Variants in MEI4 observed in about 807,000 individuals in gnomAD.
The protein encoded by MEI4 is meiosis-specific protein MEI4.
Under a neutral mutation model 31.4 loss-of-function variants are expected in MEI4, and 27 were observed. The ratio of observed to expected loss-of-function variants is 0.86; its 90% CI spans 0.63 to 1.19. The LOEUF (loss-of-function observed/expected upper bound fraction) is 1.19. Ranked by LOEUF, MEI4 falls within the 50% of genes most tolerant of loss-of-function variation. MEI4 has a pLI of 0.00. For missense variants in MEI4, 329 were observed against 398.9 expected (o/e 0.82, Z 1.49); for synonymous variants, 122 against 145.4 (o/e 0.84, Z 1.16).
intron 1 of MEI4, among the ~76,000 whole-genome samples, chr6:77,654,193 G>A (rs1356142374): frequency 2.0e-5 from 3 of 152,292 alleles, no homozygotes; most frequent in Non-Finnish European, 4.4e-5. Flanking sequence ...GCATCTCTGA[G>A]ATTTCTTACT....
chr6:77,761,406 A>T lies in MEI4; in HGVS notation c.509A>T (p.Lys170Ile). 15 of 1,232,166 alleles carry T rather than the reference A, an allele frequency of 1.2e-5. No individual in the cohort carries two copies. The highest frequency in any genetic ancestry group is 1.4e-5 in the Non-Finnish European group (14 of 987,944). The allele number at this position is 1,232,166 out of a possible 1,614,324, so 76.3% of individuals were successfully genotyped here. A position where few individuals can be genotyped will look rare whatever the true frequency, so the allele number is the denominator to read the frequency against. The part of the protein sequence containing the change: ...LKNLTESGNL[K>I]RDLTHFEKDS... Reference sequence around the variant, plus strand: ...AACTTGACAGAATCAGGTAATCTTAAAAGAGACTTAACCCACTTTGAAAAA... The same window carrying T: ...AACTTGACAGAATCAGGTAATCTTATAAGAGACTTAACCCACTTTGAAAAA... Residue 170 changes from lysine to isoleucine, a missense_variant, in exon 3 of 5, where the codon AAA becomes ATA. Lys to Ile is a moderately radical substitution (Grantham distance 102, BLOSUM62 -3). Transcript: ENST00000684080.
In MEI4 at chr6:77,923,476, T is replaced by C; in HGVS notation, c.*130T>C. On this transcript the variant is annotated 3_prime_UTR_variant, in exon 5 of 5. Transcript: ENST00000684080. ...ATTGATCTCTAAATATAATTATCAA[T>C]TCAACTTAATGGTTAGTCTTAAATT... 1.3e-6 allele frequency: 1 copy of C among 742,650 alleles called. No individual in the cohort carries two copies. Among genetic ancestry groups the C allele is most frequent in the Non-Finnish European group, 1.8e-6 (1 of 544,570 alleles). 46.0% of individuals were successfully genotyped at this position (742,650 alleles called of 1,614,324 possible).
intron 3 of MEI4, among the ~76,000 whole-genome samples, chr6:77,801,635 A>G (rs372714577): frequency 2.1e-3 from 322 of 152,154 alleles, no homozygotes; most frequent in African/African-American, 7.0e-3. Flanking sequence ...AGTGCTATAA[A>G]TTTCCCTCTA....
At chr6:77,700,660 C>G (rs1766195956) in intron 2 of MEI4, among the ~76,000 whole-genome samples, 1 of 152,152 alleles carries the variant, frequency 6.6e-6, no homozygotes, top group Admixed American at 6.5e-5. Context: ...GATGGAAATG[C>G]AAAAATCACC....
At chr6:77,726,768 C>G (rs1213883076) in intron 2 of MEI4, among the ~76,000 whole-genome samples, 1 of 152,050 alleles carries the variant, frequency 6.6e-6, no homozygotes, top group Non-Finnish European at 1.5e-5. Flanking sequence ...AGAGAATGGA[C>G]TAGGATGCTA....
chr6:77,803,782 C>T (rs1400603390), intron 3 of MEI4, among the ~76,000 whole-genome samples: 1 of 152,184 alleles, frequency 6.6e-6, no homozygotes, highest in Admixed American at 6.5e-5. Context: ...GTCTGCAGAA[C>T]AGCGGATATT....
chr6:77,792,586 C>T (rs1358282163), intron 3 of MEI4, among the ~76,000 whole-genome samples: 1 of 151,972 alleles, frequency 6.6e-6, no homozygotes, highest in Non-Finnish European at 1.5e-5. Context: ...CCTATGTTTT[C>T]CTCTAGTAAT....
chr6:77,927,008 A>T lies in MEI4; in HGVS notation c.*3662A>T, dbSNP rs1766859565. Reference sequence around the variant, plus strand: ...TTCTAAATATTACAGAGTATTACAAACATAAAAAATAAACTCAGCCTCTTT... The same window carrying T: ...TTCTAAATATTACAGAGTATTACAATCATAAAAAATAAACTCAGCCTCTTT... On this transcript the variant is annotated 3_prime_UTR_variant, in exon 5 of 5. Transcript: ENST00000684080. 1 of 152,088 alleles carries T rather than the reference A, an allele frequency of 6.6e-6. No homozygotes were observed. Among genetic ancestry groups the T allele is most frequent in the South Asian group, 2.1e-4 (1 of 4,828 alleles). The allele number at this position is 152,088 out of a possible 1,614,324, so 9.4% of individuals were successfully genotyped here.
In MEI4 at chr6:77,926,373, G is replaced by A. The variant is rs114641194; in HGVS notation, c.*3027G>A. ...GCCAAGTTACAGATTGTCTTCAAACGATAATGTCCTAAAAGGTACAGAGCT... is the reference window on the plus strand; with the variant it reads ...GCCAAGTTACAGATTGTCTTCAAACAATAATGTCCTAAAAGGTACAGAGCT... On this transcript the variant is annotated 3_prime_UTR_variant, in exon 5 of 5. Transcript: ENST00000684080. 600 of 152,026 alleles carry A rather than the reference G, an allele frequency of 3.9e-3. 7 individuals are homozygous for A. The highest frequency in any genetic ancestry group is 0.013 in the African/African-American group (557 of 41,514). 9.4% of individuals were successfully genotyped at this position (152,026 alleles called of 1,614,324 possible). A position where few individuals can be genotyped will look rare whatever the true frequency, so the allele number is the denominator to read the frequency against.
At chr6:77,819,195 A>G (rs1562001233) in intron 3 of MEI4, among the ~76,000 whole-genome samples, 2 of 152,124 alleles carry the variant, frequency 1.3e-5, no homozygotes, top group Non-Finnish European at 2.9e-5. Context: ...TGTATTTACC[A>G]TTTCTATGTC....
At chr6:77,898,610 C>T (rs1292444068) in intron 4 of MEI4, among the ~76,000 whole-genome samples, 1 of 151,992 alleles carries the variant, frequency 6.6e-6, no homozygotes, top group Non-Finnish European at 1.5e-5. Flanking sequence ...TTACCCCTTC[C>T]AGAGGAGCTT....
chr6:77,670,618 A>C (rs1302939532), intron 1 of MEI4, among the ~76,000 whole-genome samples: 1 of 148,964 alleles, frequency 6.7e-6, no homozygotes, highest in Admixed American at 6.7e-5. Flanking sequence ...AGGCCTTTCA[A>C]CTTCCCTCTC....
intron 1 of MEI4, among the ~76,000 whole-genome samples, chr6:77,679,840 A>C (rs1038241676): frequency 2.6e-5 from 4 of 151,446 alleles, no homozygotes; most frequent in African/African-American, 9.7e-5. Flanking sequence ...TCCTGGGTTC[A>C]AGCGATTCTC....
chr6:77,683,090 A>G (rs1249202091), intron 1 of MEI4, among the ~76,000 whole-genome samples: 4 of 152,100 alleles, frequency 2.6e-5, no homozygotes, highest in African/African-American at 7.2e-5. Context: ...TGTTGAATCA[A>G]TGGTGTATTT....
At chr6:77,756,759 A>G (rs1767929934) in intron 2 of MEI4, among the ~76,000 whole-genome samples, 1 of 151,676 alleles carries the variant, frequency 6.6e-6, no homozygotes, top group Non-Finnish European at 1.5e-5. Context: ...GTGGTTTGGT[A>G]TAATTTTCCA....
chr6:77,765,660 C>T (rs1768155742), intron 3 of MEI4, among the ~76,000 whole-genome samples: 1 of 148,676 alleles, frequency 6.7e-6, no homozygotes. Context: ...CTAGAAATTC[C>T]ATTTGACCCA....
intron 2 of MEI4, among the ~76,000 whole-genome samples, chr6:77,703,886 G>A (rs539674056): frequency 1.3e-5 from 2 of 152,128 alleles, no homozygotes; most frequent in Non-Finnish European, 2.9e-5. Context: ...CTGCTGGTCC[G>A]AGAACCACTA....
intron 4 of MEI4, among the ~76,000 whole-genome samples, chr6:77,829,483 G>T (rs1392449391): frequency 2.6e-5 from 4 of 152,098 alleles, no homozygotes; most frequent in Non-Finnish European, 5.9e-5. Flanking sequence ...TAAATATCCT[G>T]TTGCCAAGTC....
At chr6:77,733,715 ATGT>A (rs1767087057) in intron 2 of MEI4, among the ~76,000 whole-genome samples, 1 of 151,488 alleles carries the variant, frequency 6.6e-6, no homozygotes, top group African/African-American at 2.4e-5. Flanking sequence ...TTTAATTGTG[ATGT>A]TAGGGTGTCA....
Sources: allele counts gnomAD v4.1 joint callset (sites outside exome capture counted in the v4.1 genomes callset), GRCh38; gene constraint gnomAD v4.1.1; transcripts MANE v1.5; gene names NCBI Gene and HGNC (gene_info 2026-07-23, HGNC 2026-07-21).